The following EP400 variants were observed in gnomAD, a reference collection of about 807,000 sequenced individuals.
EP400 encodes the protein E1A-binding protein p400.
In EP400, 105 loss-of-function variants were observed where a neutral mutation model predicts 354.1. The observed-to-expected ratio is 0.30, with a 90% CI of 0.25 to 0.35. EP400 has a LOEUF of 0.35. EP400 is among the 10% of genes least tolerant of loss of function. EP400 has a pLI of 1.00. For synonymous variants in EP400, 1,646 were observed against 1,716.9 expected (o/e 0.96, Z 1.02); for missense variants, 3,280 against 4,121.0 (o/e 0.80, Z 5.59).
rs905794788 is a variant in EP400 at position 132,015,557 on chromosome 12, T to C, written c.3923+1644T>C. ...CCCTTCTGTGGTTGTGCCCACACAATATGGTGGTTTGCCTTCAGGGTTGCA... is the reference window on the plus strand; with the variant it reads ...CCCTTCTGTGGTTGTGCCCACACAACATGGTGGTTTGCCTTCAGGGTTGCA... On this transcript the variant is annotated intron_variant, in intron 19 of 52. Transcript: ENST00000389561. 2.0e-5 allele frequency among the ~76,000 whole-genome samples: 3 copies of C among 152,104 alleles called. No homozygotes were observed. In the East Asian group the frequency reaches 5.8e-4, roughly 29 times the overall value.
intron 3 of EP400, 58 bp from the exon 4 acceptor site, chr12:131,981,431 A>C: frequency 7.3e-7 from 1 of 1,367,850 alleles, no homozygotes; most frequent in Non-Finnish European, 1.0e-6. Context: ...GTTTTTTTCT[A>C]CTACTTCTCT....
Position 131,990,496 on chromosome 12 carries a change from T to G in EP400, c.2551-140T>G. 3.0e-6 allele frequency: 2 copies of G among 660,576 alleles called. No homozygotes were observed. Among genetic ancestry groups the G allele is most frequent in the Non-Finnish European group, 5.2e-6 (2 of 387,828 alleles). The allele number at this position is 660,576 out of a possible 1,614,324, so 40.9% of individuals were successfully genotyped here. On this transcript the variant is annotated intron_variant, in intron 8 of 52. Transcript: ENST00000389561. The surrounding 1 kb of genome is among the most constrained non-coding windows in gnomAD (Gnocchi z 4.2). ...TGGGCAGGATGTAGTTAGTATGAAA[T>G]AAATGAAAAAGCACCAAACTGACGA...
chr12:132,005,721 C>T (rs1169859430), intron 13 of EP400, among the ~76,000 whole-genome samples: 1 of 151,996 alleles, frequency 6.6e-6, no homozygotes, highest in African/African-American at 2.4e-5. Flanking sequence ...TGGTCTCCTC[C>T]CGGTTTCCCA....
chr12:132,006,907 C>T (rs200581672), intron 15 of EP400, 30 bp downstream of exon 15: 103 of 1,612,580 alleles, frequency 6.4e-5, no homozygotes, highest in African/African-American at 1.3e-5. Context: ...TTTAACAATA[C>T]CTATTTGCTA....
chr12:132,065,054 G>C, intron 48 of EP400, 168 bp downstream of exon 48: 1 of 1,259,202 alleles, frequency 7.9e-7, no homozygotes, highest in South Asian at 1.6e-5. Context: ...CTCACCACTC[G>C]TGGAACATTA....
intron 24 of EP400, among the ~76,000 whole-genome samples, chr12:132,024,465 T>C (rs923653396): frequency 1.1e-4 from 16 of 152,222 alleles, no homozygotes; most frequent in African/African-American, 3.9e-4. Flanking sequence ...AGTAATTTTA[T>C]GTATGAGAAA....
intron 52 of EP400, among the ~76,000 whole-genome samples, chr12:132,077,061 CT>C (rs1896259318): frequency 6.6e-6 from 1 of 152,226 alleles, no homozygotes; most frequent in Non-Finnish European, 1.5e-5. Flanking sequence ...GTGCTTTAAA[CT>C]TTCTAAATTT....
intron 1 of EP400, 107 bp from the exon 2 acceptor site, chr12:131,960,478 C>G: frequency 9.2e-7 from 1 of 1,087,706 alleles, no homozygotes; most frequent in Non-Finnish European, 1.3e-6. Flanking sequence ...TCGTTTGAAT[C>G]AGATGCGGTG....
chr12:131,977,222 T>C (rs543305622), intron 2 of EP400, among the ~76,000 whole-genome samples: 2 of 152,278 alleles, frequency 1.3e-5, no homozygotes, highest in African/African-American at 2.4e-5. Context: ...CTGCAAGCTC[T>C]GCCTCCCGGG....
intron 7 of EP400, among the ~76,000 whole-genome samples, chr12:131,988,512 C>T (rs1566174983): frequency 6.6e-6 from 1 of 152,198 alleles, no homozygotes; most frequent in Non-Finnish European, 1.5e-5. Flanking sequence ...GCTTTCCTGC[C>T]TGGCCACACG....
rs778779660 is a variant in EP400, at chr12:132,020,068, T to A, written c.4297T>A (p.Tyr1433Asn). The A allele has an allele frequency of 6.3e-7, 1 of 1,582,186 alleles. No individual in the cohort carries two copies. The highest frequency in any genetic ancestry group is 2.3e-5 in the East Asian group (1 of 43,122). ...ATCTAGGTTGTTTCAGCCTGTGCAG[T>A]ATGGCCAGAAGCCCGAGGGTCGCAC... ...KASRLFQPVQ[Y>N]GQKPEGRTVA... Residue 1433 changes from tyrosine (Y) to asparagine (N), a missense_variant, in exon 22 of 53, where the codon TAT (tyrosine) becomes AAT (asparagine). Tyr to Asn is a moderately radical substitution (Grantham distance 143). Around this residue, in one of 20 missense-constraint regions of EP400, gnomAD observed 342 missense variants for 342.7 expected, o/e 1.00. Coordinates refer to ENST00000389561, the MANE Select transcript of EP400 (RefSeq NM_015409.5).
At position 131,994,575 on chromosome 12, in the gene EP400, C is replaced by T. The variant is rs898676066; in HGVS notation, c.2738-292C>T. Among the ~76,000 whole-genome samples, 3 of 152,016 alleles carry T rather than the reference C, an allele frequency of 2.0e-5. No homozygotes were observed. The highest frequency in any genetic ancestry group is 4.8e-5 in the African/African-American group (2 of 41,388). On this transcript the variant is annotated intron_variant, in intron 11 of 52. Coordinates refer to ENST00000389561, the MANE Select transcript of EP400 (RefSeq NM_015409.5). This position sits in a 1 kb window ranked among gnomAD's most constrained non-coding sequence, Gnocchi z 4.6. Reference sequence around the variant, plus strand: ...AGATGGCATGCCTGTGGGCTTTCCACAGTGGGGCTCTGCAGGAAGGTAGGA... The same window carrying T: ...AGATGGCATGCCTGTGGGCTTTCCATAGTGGGGCTCTGCAGGAAGGTAGGA...
At chr12:132,047,895 C>T (rs540305521) in intron 39 of EP400, among the ~76,000 whole-genome samples, 1 of 152,310 alleles carries the variant, frequency 6.6e-6, no homozygotes, top group African/African-American at 2.4e-5. Flanking sequence ...AGAGGCCTAC[C>T]CTCAGAGACG....
Position 132,077,742 on chromosome 12 carries a change from A to G in EP400, c.*69A>G. ...CCTCACAGAAAACGCTTTATTAGTG[A>G]ACCTTGGGACCATGTCACGCAAGAG... On this transcript the variant is annotated 3_prime_UTR_variant, in exon 53 of 53. Transcript: ENST00000389561. 2 of 1,477,798 alleles carry G rather than the reference A, an allele frequency of 1.4e-6. No homozygotes were observed. Among genetic ancestry groups the G allele is most frequent in the Non-Finnish European group, 1.8e-6 (2 of 1,113,168 alleles). 91.5% of individuals were successfully genotyped at this position (1,477,798 alleles called of 1,614,324 possible). A position where few individuals can be genotyped will look rare whatever the true frequency, so the allele number is the denominator to read the frequency against.
In EP400 at chr12:132,038,657, G is replaced by A. The variant is rs1894794246; in HGVS notation, c.6207+561G>A. Among the ~76,000 whole-genome samples, 2 of 152,236 alleles carry A rather than the reference G, an allele frequency of 1.3e-5. No individual in the cohort carries two copies. The highest frequency in any genetic ancestry group is 2.1e-4 in the South Asian group (1 of 4,832). On this transcript the variant is annotated intron_variant, in intron 32 of 52. Transcript: ENST00000389561. This position sits in a 1 kb window ranked among gnomAD's most constrained non-coding sequence, Gnocchi z 4.2. ...TTTTACTGTTTCGGTGTGGGTAGTA[G>A]AAGATAGAGGGCATGTTTGGGTCCT...
At chr12:132,015,588 G>A (rs1354238788) in intron 19 of EP400, among the ~76,000 whole-genome samples, 1 of 152,150 alleles carries the variant, frequency 6.6e-6, no homozygotes, top group Non-Finnish European at 1.5e-5. Flanking sequence ...TTGCAGTGTC[G>A]TCTGAGGTGT....
Position 132,054,200 on chromosome 12 carries a change from T to C in EP400, c.7728+603T>C, listed in dbSNP as rs908697754. ...TGCGCAGAATCACACCTGCAGAGAA[T>C]AGGAGCTGTGCCAAATTGGGGAAAC... On this transcript the variant is annotated intron_variant, in intron 43 of 52. Transcript: ENST00000389561. The surrounding 1 kb of genome is among the most constrained non-coding windows in gnomAD (Gnocchi z 4.0). Among the ~76,000 whole-genome samples the C allele has an allele frequency of 3.9e-5, 6 of 152,208 alleles. No homozygotes were observed. The highest frequency in any genetic ancestry group is 5.9e-5 in the Non-Finnish European group (4 of 68,048).
At position 132,022,660 on chromosome 12, in the gene EP400, CT is replaced by C. The variant is rs60586768; in HGVS notation, c.4691-1104del. 5.2e-3 allele frequency among the ~76,000 whole-genome samples: 758 copies of C among 145,184 alleles called. 4 individuals carry two copies. The highest frequency in any genetic ancestry group is 0.015 in the African/African-American group (596 of 40,256). Reference sequence around the variant, plus strand: ...GTGTTTTAAGCAACGCTAAGTTTTACTTTTTTTTTTTTTAAACAGTAAATGT... The same window carrying C: ...GTGTTTTAAGCAACGCTAAGTTTTACTTTTTTTTTTTTAAACAGTAAATGT... On this transcript the variant is annotated intron_variant, in intron 23 of 52. Coordinates refer to ENST00000389561, the MANE Select transcript of EP400 (RefSeq NM_015409.5).
intron 23 of EP400, among the ~76,000 whole-genome samples, chr12:132,023,301 T>A (rs1011313702): frequency 7.7e-5 from 10 of 130,562 alleles, no homozygotes; most frequent in African/African-American, 3.1e-4. Flanking sequence ...CCCAGCTAAT[T>A]TTTTTTTTTT....
Sources: gnomAD v4.1 joint callset for allele counts (sites outside exome capture counted in the v4.1 genomes callset) on GRCh38, gnomAD v4.1.1 for gene constraint, gnomAD v4.1.1 regional missense constraint, Gnocchi (gnomAD v3.1) non-coding constraint, MANE v1.5 for transcripts, NCBI Gene and HGNC (gene_info 2026-07-23, HGNC 2026-07-21) for gene names.